Variants in DNAH8 observed in about 807,000 individuals in gnomAD.
The protein encoded by DNAH8 is dynein axonemal heavy chain 8, also known as axonemal beta dynein heavy chain 8.
Under a neutral mutation model 562.1 loss-of-function variants are expected in DNAH8, and 382 were observed. That is an observed-to-expected ratio of 0.68 (90% CI 0.63 to 0.74). The LOEUF (loss-of-function observed/expected upper bound fraction) is 0.74. DNAH8 is among the 30% of genes least tolerant of loss of function. The pLI is 0.00. For missense variants in DNAH8, 5,203 were observed against 5,620.4 expected (o/e 0.93, Z 2.37); for synonymous variants, 1,881 against 1,919.4 (o/e 0.98, Z 0.52).
At chr6:38,839,452 C>G (rs6903215) in intron 33 of DNAH8, among the ~76,000 whole-genome samples, 3,660 of 151,046 alleles carry the variant, frequency 0.024, 154 homozygotes, top group African/African-American at 0.084. Context: ...TTCCGTAGTT[C>G]AAGTGATCCT....
chr6:38,823,153 AAAT>A (rs1486051562), intron 27 of DNAH8, 119 bp downstream of exon 27: 2 of 835,956 alleles, frequency 2.4e-6, no homozygotes, highest in Middle Eastern at 3.8e-4. Flanking sequence ...AAGAATCTAT[AAAT>A]ACCAAGCACC....
intron 8 of DNAH8, among the ~76,000 whole-genome samples, chr6:38,746,107 T>G (rs1022690605): frequency 6.6e-6 from 1 of 152,226 alleles, no homozygotes; most frequent in African/African-American, 2.4e-5. Context: ...CCCTCATTCC[T>G]TCCACGTTTA....
rs138523753 is a variant in DNAH8, at chr6:38,848,748, G to A, written c.5146G>A (p.Val1716Ile). Residue 1716 changes from valine to isoleucine, a missense_variant, in exon 37 of 93, where the codon GTT (valine) becomes ATT (isoleucine). By Grantham distance (29) the Val-to-Ile change is conservative. Coordinates refer to ENST00000327475, the MANE Select transcript of DNAH8 (RefSeq NM_001206927.2). ...GTGGCTCGTAGTACAGAACCTTTGG[G>A]TTTATCTTGAAGCCGTCTTTGTAGG... is the stretch of plus-strand genomic sequence containing the variant. Reference protein sequence around the residue: ...EEWLVVQNLWVYLEAVFVGGD... With the variant: ...EEWLVVQNLWIYLEAVFVGGD... 1.2e-5 allele frequency: 19 copies of A among 1,613,510 alleles called. No individual in the cohort carries two copies. The African/African-American group carries it at 2.4e-4, about 20-fold the overall frequency.
chr6:38,882,392 G>A (rs907796656), intron 53 of DNAH8, among the ~76,000 whole-genome samples: 13 of 152,290 alleles, frequency 8.5e-5, no homozygotes, highest in African/African-American at 2.9e-4. Flanking sequence ...TAAAAAATAT[G>A]AGATTATGTC....
chr6:38,743,252 C>G (rs1449554947), intron 8 of DNAH8, among the ~76,000 whole-genome samples: 1 of 152,064 alleles, frequency 6.6e-6, no homozygotes, highest in Non-Finnish European at 1.5e-5. Flanking sequence ...ATTCTTCCAC[C>G]TCAGCCTCCC....
chr6:38,777,911 T>C (rs1768227053), intron 13 of DNAH8, among the ~76,000 whole-genome samples: 1 of 152,210 alleles, frequency 6.6e-6, no homozygotes, highest in Non-Finnish European at 1.5e-5. Context: ...GTAAGGGACC[T>C]TCACTCCTTT....
intron 33 of DNAH8, among the ~76,000 whole-genome samples, chr6:38,840,976 A>AT (rs1774731816): frequency 6.6e-6 from 1 of 151,844 alleles, no homozygotes; most frequent in African/African-American, 2.4e-5. Flanking sequence ...TTTTTTAGTC[A>AT]TTTTTAGCAT....
intron 26 of DNAH8, among the ~76,000 whole-genome samples, chr6:38,820,587 A>G (rs1772730810): frequency 1.3e-5 from 2 of 152,214 alleles, no homozygotes; most frequent in African/African-American, 4.8e-5. Flanking sequence ...ACATCTTTAA[A>G]GGACTCTTAA....
Position 38,924,064 on chromosome 6 carries a change from T to C in DNAH8, c.10864T>C (p.Tyr3622His), listed in dbSNP as rs1454483386. The change falls in exon 73 of 93, where the codon TAT (tyrosine) becomes CAT (histidine). Residue 3622 changes from tyrosine (Y) to histidine (H), a missense_variant. This residue lies in a region of DNAH8 where 1,399 missense variants were observed against 1,518.4 expected (regional missense o/e 0.92). Coordinates refer to ENST00000327475, the MANE Select transcript of DNAH8 (RefSeq NM_001206927.2). The part of the protein sequence containing the change: ...LGPFNQIFRN[Y>H]LLKDQWEMEL... ...TCCTTTCAATCAGATATTTAGGAAC[T>C]ATTTGCTTAAAGATCAATGGGAAAT... is the stretch of plus-strand genomic sequence containing the variant. 7 of 1,613,894 alleles carry C rather than the reference T, an allele frequency of 4.3e-6. No homozygotes were observed. The highest frequency in any genetic ancestry group is 5.9e-6 in the Non-Finnish European group (7 of 1,179,898).
intron 82 of DNAH8, chr6:38,953,227 T>C (rs999855381): frequency 2.0e-5 from 3 of 152,234 alleles, no homozygotes; most frequent in African/African-American, 7.2e-5. Flanking sequence ...TCTGGGCCAA[T>C]CAATGAACTG....
Position 38,890,893 on chromosome 6 carries a change from A to T in DNAH8, c.8583+132A>T, listed in dbSNP as rs531150809. On this transcript the variant is annotated intron_variant, in intron 58 of 92. Transcript: ENST00000327475. ...TTTGGAAAAGACAAATTACGTGCTC[A>T]AATAGATTTACAACACCTTTTCCTT... is the stretch of plus-strand genomic sequence containing the variant. The T allele has an allele frequency of 3.4e-4, 212 of 630,338 alleles. No individual in the cohort carries two copies. The African/African-American group carries it at 3.5e-3, about 11-fold the overall frequency. 39.0% of individuals were successfully genotyped at this position (630,338 alleles called of 1,614,324 possible).
In DNAH8 at chr6:38,886,935, C is replaced by T. The variant is rs755651983; in HGVS notation, c.8404C>T (p.Arg2802Cys). 4.3e-6 allele frequency: 7 copies of T among 1,613,940 alleles called. No individual in the cohort carries two copies. The South Asian group carries it at 4.4e-5, about 10-fold the overall frequency. ...AGGTGGTCGAAATGATATTCCACAA[C>T]GTTTAAAAAGACAATTTACTGTGTT... is the stretch of plus-strand genomic sequence containing the variant. ...PGGGRNDIPQ[R>C]LKRQFTVFNC... Residue 2802 changes from arginine to cysteine, a missense_variant, in exon 57 of 93, where the codon CGT (arginine) becomes TGT (cysteine). Coordinates refer to ENST00000327475, the MANE Select transcript of DNAH8 (RefSeq NM_001206927.2).
intron 61 of DNAH8, 131 bp from the exon 62 acceptor site, chr6:38,899,645 A>G: frequency 2.1e-6 from 2 of 938,350 alleles, no homozygotes; most frequent in Non-Finnish European, 3.2e-6. Flanking sequence ...AAATTCTGTC[A>G]TAGACCATTA....
At chr6:38,932,336 C>A (rs1484269131) in intron 76 of DNAH8, among the ~76,000 whole-genome samples, 1 of 152,022 alleles carries the variant, frequency 6.6e-6, no homozygotes, top group African/African-American at 2.4e-5. Flanking sequence ...AAAAGAAATT[C>A]CTCTGAATGG....
At chr6:38,789,709 A>G in intron 18 of DNAH8, 94 bp from the exon 19 acceptor site, 1 of 860,804 alleles carries the variant, frequency 1.2e-6, no homozygotes, top group Non-Finnish European at 1.8e-6. Flanking sequence ...ACTACGAGGA[A>G]ACTGGGATTA....
Position 39,030,536 on chromosome 6 carries a change from G to T in DNAH8, c.*144G>T. On this transcript the variant is annotated 3_prime_UTR_variant, in exon 93 of 93. Transcript: ENST00000327475. ...AAAAGTTGATGTTCTAAAATTGCTA[G>T]TGCGTGTGTGTTTTCCTCACATATC... 1 of 654,368 alleles carries T rather than the reference G, an allele frequency of 1.5e-6. No individual in the cohort carries two copies. The highest frequency in any genetic ancestry group is 2.1e-5 in the South Asian group (1 of 47,660). 40.5% of individuals were successfully genotyped at this position (654,368 alleles called of 1,614,324 possible). A position where few individuals can be genotyped will look rare whatever the true frequency, so the allele number is the denominator to read the frequency against.
chr6:38,731,010 C>G (rs542732640), intron 4 of DNAH8, among the ~76,000 whole-genome samples: 1 of 152,230 alleles, frequency 6.6e-6, no homozygotes, highest in African/African-American at 2.4e-5. Flanking sequence ...TTTACAGTAT[C>G]CATGTAAATA....
rs113934697 is a variant in DNAH8 at position 38,909,345 on chromosome 6, G to A, written c.9514-173G>A. Among the ~76,000 whole-genome samples the A allele has an allele frequency of 2.9e-3, 448 of 152,208 alleles. 2 individuals are homozygous for A. Among genetic ancestry groups the A allele is most frequent in the African/African-American group, 0.01 (429 of 41,542 alleles). On this transcript the variant is annotated intron_variant, in intron 64 of 92. Transcript: ENST00000327475. ...GTAGTCCCAGGACAGGGAAGAGTGT[G>A]GAGTATATTTCCTCCCTTCATCACA...
At chr6:38,777,482 T>C (rs1768183747) in intron 13 of DNAH8, among the ~76,000 whole-genome samples, 1 of 152,216 alleles carries the variant, frequency 6.6e-6, no homozygotes, top group Admixed American at 6.5e-5. Flanking sequence ...GTGGTATATA[T>C]TAATAGACCA....
Sources: allele counts gnomAD v4.1 joint callset (sites outside exome capture counted in the v4.1 genomes callset), GRCh38; gene constraint gnomAD v4.1.1; regional missense constraint gnomAD v4.1.1; transcripts MANE v1.5; gene names NCBI Gene and HGNC (gene_info 2026-07-23, HGNC 2026-07-21).